NBEA: variants seen among roughly 807,000 people sequenced by gnomAD.
The protein encoded by NBEA is lysosomal-trafficking regulator 2.
NBEA carries 44 observed loss-of-function variants against 343.4 expected under a neutral mutation model. The observed-to-expected ratio is 0.13, with a 90% CI of 0.10 to 0.16. The LOEUF (loss-of-function observed/expected upper bound fraction) is 0.16, where lower values mean the gene tolerates loss of function less well. Among genes scored for constraint, NBEA ranks in the 10% least tolerant of loss-of-function variants. The pLI, the probability that NBEA is intolerant of heterozygous loss-of-function variation, is 1.00. For missense variants in NBEA, 2,555 were observed against 3,631.3 expected (o/e 0.70, Z 7.62); for synonymous variants, 1,175 against 1,238.7 (o/e 0.95, Z 1.08).
At chr13:34,950,139 C>G (rs193290740) in intron 1 of NBEA, among the ~76,000 whole-genome samples, 1 of 152,134 alleles carries the variant, frequency 6.6e-6, no homozygotes, top group Non-Finnish European at 1.5e-5. Context: ...CTGGACCAGA[C>G]AGAGAAACTG....
At position 34,969,195 on chromosome 13, in the gene NBEA, T is replaced by A. The variant is rs548125760; in HGVS notation, c.294+26081T>A. ...TGGGTTGGAGTTTTATTCCTCTGAC[T>A]TAATGGGCCTGTGACTAGGCAGGTT... On this transcript the variant is annotated intron_variant, in intron 1 of 58. Coordinates refer to ENST00000379939, the MANE Select transcript of NBEA (RefSeq NM_001385012.1). Among the ~76,000 whole-genome samples, 263 of 152,184 alleles carry A rather than the reference T, an allele frequency of 1.7e-3. 1 individual carries two copies. Among genetic ancestry groups the A allele is most frequent in the African/African-American group, 6.2e-3 (256 of 41,546 alleles).
intron 46 of NBEA, 54 bp downstream of exon 46, chr13:35,584,092 A>C: frequency 6.9e-7 from 1 of 1,458,598 alleles, no homozygotes. Context: ...TTTTAACATA[A>C]GTAAATTAAA....
intron 4 of NBEA, among the ~76,000 whole-genome samples, chr13:35,047,903 T>C (rs1422501957): frequency 6.6e-6 from 1 of 151,794 alleles, no homozygotes; most frequent in Non-Finnish European, 1.5e-5. Context: ...AATAATCAGC[T>C]ACTTTCTTAT....
chr13:35,258,765 A>G (rs2032916361), intron 34 of NBEA, among the ~76,000 whole-genome samples: 1 of 152,226 alleles, frequency 6.6e-6, no homozygotes, highest in South Asian at 2.1e-4. Flanking sequence ...TCCTTGACTT[A>G]CAATGATTTA....
chr13:35,171,547 G>T (rs1350137569), intron 26 of NBEA, 95 bp downstream of exon 26: 2 of 958,110 alleles, frequency 2.1e-6, no homozygotes, highest in Admixed American at 2.6e-5. Context: ...GATATAAGTT[G>T]ATGATTATAT....
intron 1 of NBEA, among the ~76,000 whole-genome samples, chr13:34,993,969 A>G (rs1490964392): frequency 2.0e-5 from 3 of 152,054 alleles, no homozygotes; most frequent in Admixed American, 6.6e-5. Flanking sequence ...AGGCTGAGGC[A>G]GGTGGATCAC....
At chr13:35,131,844 C>T (rs1354759603) in intron 17 of NBEA, among the ~76,000 whole-genome samples, 3 of 152,058 alleles carry the variant, frequency 2.0e-5, no homozygotes, top group African/African-American at 7.2e-5. Flanking sequence ...TCTGACCACA[C>T]AGAATTAAAT....
intron 10 of NBEA, among the ~76,000 whole-genome samples, chr13:35,085,421 G>T (rs949673949): frequency 4.6e-5 from 7 of 152,096 alleles, no homozygotes; most frequent in African/African-American, 1.7e-4. Flanking sequence ...ATGCAAGGCT[G>T]GTTCAACATA....
intron 40 of NBEA, among the ~76,000 whole-genome samples, chr13:35,456,158 A>G (rs561580483): frequency 6.6e-6 from 1 of 152,108 alleles, no homozygotes; most frequent in South Asian, 2.1e-4. Flanking sequence ...GCCTTTTCTT[A>G]TGTTTCCTCC....
chr13:35,646,672 A>T (rs1237036929), intron 51 of NBEA, among the ~76,000 whole-genome samples: 1 of 152,230 alleles, frequency 6.6e-6, no homozygotes, highest in African/African-American at 2.4e-5. Context: ...TGTAAATTAC[A>T]ATGAAAAATG....
intron 8 of NBEA, among the ~76,000 whole-genome samples, chr13:35,062,226 T>C (rs2063492730): frequency 6.6e-6 from 1 of 151,678 alleles, no homozygotes; most frequent in African/African-American, 2.4e-5. Context: ...CTGAAAAATA[T>C]ATCGGAATTA....
At chr13:35,161,230 T>C (rs2069537351) in intron 22 of NBEA, among the ~76,000 whole-genome samples, 1 of 152,130 alleles carries the variant, frequency 6.6e-6, no homozygotes, top group African/African-American at 2.4e-5. Flanking sequence ...TCATTTGGAG[T>C]TTATAGACAT....
At chr13:35,303,899 C>A (rs185302757) in intron 35 of NBEA, among the ~76,000 whole-genome samples, 1 of 152,298 alleles carries the variant, frequency 6.6e-6, no homozygotes, top group Non-Finnish European at 1.5e-5. Context: ...TTCTCACTTA[C>A]CAGCCCAGTA....
At chr13:35,076,930 C>A (rs1398248201) in intron 10 of NBEA, among the ~76,000 whole-genome samples, 1 of 151,992 alleles carries the variant, frequency 6.6e-6, no homozygotes, top group East Asian at 1.9e-4. Flanking sequence ...CAGCCCAAAA[C>A]TAAAATAAAT....
chr13:35,033,731 C>T (rs1245311997), intron 1 of NBEA, among the ~76,000 whole-genome samples: 1 of 151,432 alleles, frequency 6.6e-6, no homozygotes, highest in African/African-American at 2.4e-5. Context: ...TCTTGGAGTA[C>T]ATTAACTCCT....
intron 17 of NBEA, among the ~76,000 whole-genome samples, chr13:35,126,806 T>C (rs2067156701): frequency 6.6e-6 from 1 of 151,686 alleles, no homozygotes. Context: ...TCATCCCAGC[T>C]ACTCGGGAGG....
At chr13:34,976,506 A>G (rs573498984) in intron 1 of NBEA, among the ~76,000 whole-genome samples, 66 of 152,312 alleles carry the variant, frequency 4.3e-4, no homozygotes, top group African/African-American at 1.4e-3. Context: ...CCAAAAACTC[A>G]GAAATCACCA....
intron 1 of NBEA, among the ~76,000 whole-genome samples, chr13:34,969,521 T>C (rs1362345494): frequency 6.6e-6 from 1 of 152,056 alleles, no homozygotes; most frequent in Non-Finnish European, 1.5e-5. Context: ...ATTAGCCTAG[T>C]AGACATTAGT....
chr13:35,670,957 A>G lies in NBEA; in HGVS notation c.8870A>G (p.Asn2957Ser), dbSNP rs1213909724. Residue 2957 changes from asparagine (N) to serine (S), a missense_variant, in exon 59 of 59, where the codon AAT becomes AGT. Around this residue, in one of 21 missense-constraint regions of NBEA, gnomAD observed 186 missense variants for 328.9 expected, o/e 0.57. Coordinates refer to ENST00000379939, the MANE Select transcript of NBEA (RefSeq NM_001385012.1). Reference protein sequence around the residue: ...GSIVAFNIDFNRWHYEHQNRY With the variant: ...GSIVAFNIDFSRWHYEHQNRY ...ATTGTAGCTTTTAATATAGATTTTA[A>G]TCGGTGGCATTATGAGCATCAGAAC... 2 of 1,588,986 alleles carry G rather than the reference A, an allele frequency of 1.3e-6. No homozygotes were observed. Among genetic ancestry groups the G allele is most frequent in the African/African-American group, 2.7e-5 (2 of 74,512 alleles).
Sources: gnomAD v4.1 joint callset for allele counts (sites outside exome capture counted in the v4.1 genomes callset) on GRCh38, gnomAD v4.1.1 for gene constraint, gnomAD v4.1.1 regional missense constraint, MANE v1.5 for transcripts, NCBI Gene and HGNC (gene_info 2026-07-23, HGNC 2026-07-21) for gene names.